The following KCNT2 variants were observed in gnomAD, a reference collection of about 807,000 sequenced individuals.
The protein encoded by KCNT2 is potassium channel subfamily T member 2.
A neutral mutation model predicts 153.8 loss-of-function variants in KCNT2; 67 were observed. That is an observed-to-expected ratio of 0.44 (90% CI 0.36 to 0.53). KCNT2 has a LOEUF of 0.53. Among genes scored for constraint, KCNT2 ranks in the 20% least tolerant of loss-of-function variants. The probability of loss-of-function intolerance (pLI) is 0.00; values close to 1 mark genes in which losing one functional copy is unlikely to be tolerated. For missense variants in KCNT2, 975 were observed against 1,354.8 expected, an observed-to-expected ratio of 0.72 and a Z score of 4.40; for synonymous variants, 500 against 458.8, an observed-to-expected ratio of 1.09 and a Z score of -1.15.
intron 19 of KCNT2, among the ~76,000 whole-genome samples, chr1:196,322,153 G>A (rs1203165376): frequency 6.6e-6 from 1 of 151,790 alleles, no homozygotes; most frequent in East Asian, 1.9e-4. Context: ...TAAAAAATCT[G>A]ACTGCTAAAC....
chr1:196,456,811 A>C (rs1372600616), intron 8 of KCNT2, among the ~76,000 whole-genome samples: 1 of 152,006 alleles, frequency 6.6e-6, no homozygotes, highest in South Asian at 2.1e-4. Flanking sequence ...GACATCAATA[A>C]ATGACACAGG....
At chr1:196,423,833 A>G (rs2148522749) in intron 11 of KCNT2, among the ~76,000 whole-genome samples, 1 of 152,010 alleles carries the variant, frequency 6.6e-6, no homozygotes, top group African/African-American at 2.4e-5. Flanking sequence ...ATGGTTATTA[A>G]GATAATATGA....
chr1:196,341,801 C>G (rs1665662576), intron 15 of KCNT2, among the ~76,000 whole-genome samples: 1 of 151,678 alleles, frequency 6.6e-6, no homozygotes, highest in African/African-American at 2.4e-5. Context: ...AGAAGATTTT[C>G]ATATGTATGT....
chr1:196,452,485 TC>T (rs1676304974), intron 8 of KCNT2, among the ~76,000 whole-genome samples: 1 of 151,920 alleles, frequency 6.6e-6, no homozygotes, highest in South Asian at 2.1e-4. Context: ...TGTAGATGAC[TC>T]CCTCAACAAC....
At chr1:196,371,241 A>C (rs1339501658) in intron 14 of KCNT2, among the ~76,000 whole-genome samples, 1 of 149,612 alleles carries the variant, frequency 6.7e-6, no homozygotes, top group Non-Finnish European at 1.5e-5. Flanking sequence ...AAAAAAAAAA[A>C]AAAAAAAAGC....
chr1:196,355,373 A>G (rs566562182), intron 14 of KCNT2, among the ~76,000 whole-genome samples: 1 of 151,860 alleles, frequency 6.6e-6, no homozygotes, highest in Admixed American at 6.6e-5. Flanking sequence ...CATGGTAATC[A>G]ATTTTCTACC....
intron 1 of KCNT2, among the ~76,000 whole-genome samples, chr1:196,544,102 C>G (rs1420837641): frequency 6.6e-6 from 1 of 152,098 alleles, no homozygotes; most frequent in Non-Finnish European, 1.5e-5. Context: ...AGTAACTCTC[C>G]AAAGCAACCT....
chr1:196,468,820 T>C (rs1367484959), intron 6 of KCNT2, among the ~76,000 whole-genome samples, 174 bp downstream of exon 6: 1 of 152,086 alleles, frequency 6.6e-6, no homozygotes, highest in African/African-American at 2.4e-5. Context: ...TTAGTTTCCA[T>C]TTAGTTACAC....
chr1:196,290,593 CAT>C (rs1448153075), intron 22 of KCNT2, among the ~76,000 whole-genome samples: 8 of 151,424 alleles, frequency 5.3e-5, no homozygotes, highest in Admixed American at 3.3e-4. Flanking sequence ...CACACACACA[CAT>C]ATATTTCATC....
At chr1:196,239,414 A>C (rs1413650341) in intron 26 of KCNT2, among the ~76,000 whole-genome samples, 1 of 151,928 alleles carries the variant, frequency 6.6e-6, no homozygotes, top group Non-Finnish European at 1.5e-5. Flanking sequence ...TAGCATTTAC[A>C]AAGAAACTTC....
At chr1:196,336,528 G>C (rs185086982) in intron 16 of KCNT2, among the ~76,000 whole-genome samples, 1 of 151,998 alleles carries the variant, frequency 6.6e-6, no homozygotes, top group South Asian at 2.1e-4. Flanking sequence ...TTACTTGCTT[G>C]TACTTTCAAC....
chr1:196,249,473 C>T (rs1655756382), intron 26 of KCNT2, among the ~76,000 whole-genome samples: 1 of 151,982 alleles, frequency 6.6e-6, no homozygotes, highest in Non-Finnish European at 1.5e-5. Flanking sequence ...GGTACAAAAT[C>T]AACATACAAA....
At chr1:196,567,766 G>A (rs1178426099) in intron 1 of KCNT2, among the ~76,000 whole-genome samples, 2 of 152,160 alleles carry the variant, frequency 1.3e-5, no homozygotes, top group East Asian at 3.9e-4. Flanking sequence ...TTTCAAAAGG[G>A]CTTATGTAGG....
In KCNT2 at chr1:196,397,941, T is replaced by A. The variant is rs1408700945; in HGVS notation, c.1294+622A>T. ...ACTGCTTAAATCAACATTAGCGGTTTTTTTTACAGAAGCATTTAAGAAAAA... is the reference window on the plus strand; with the variant it reads ...ACTGCTTAAATCAACATTAGCGGTTATTTTTACAGAAGCATTTAAGAAAAA... On this transcript the variant is annotated intron_variant, in intron 13 of 27. Coordinates refer to ENST00000294725, the MANE Select transcript of KCNT2 (RefSeq NM_198503.5). 3.3e-5 allele frequency among the ~76,000 whole-genome samples: 5 copies of A among 151,416 alleles called. No individual in the cohort carries two copies. In the East Asian group the frequency reaches 9.7e-4, roughly 29 times the overall value.
At chr1:196,514,113 T>A (rs749837437) in intron 1 of KCNT2, among the ~76,000 whole-genome samples, 1 of 152,196 alleles carries the variant, frequency 6.6e-6, no homozygotes, top group Non-Finnish European at 1.5e-5. Flanking sequence ...TGGCTTTACT[T>A]AGATCTAAAA....
At chr1:196,273,882 G>A (rs2025599) in intron 25 of KCNT2, among the ~76,000 whole-genome samples, 112,461 of 151,446 alleles carry the variant, frequency 0.74, 43,639 homozygotes, top group East Asian at 0.95. Context: ...AATGATATTG[G>A]TACATTAATA....
chr1:196,465,280 T>C lies in KCNT2; in HGVS notation c.638+13A>G. On this transcript the variant is annotated intron_variant, in intron 8 of 27. Transcript: ENST00000294725. ...ATGAAACATAACACAAATTCTGATA[T>C]GTACAATCTTACCAGGTGAAGATAA... 7.6e-7 allele frequency: 1 copy of C among 1,315,146 alleles called. No individual in the cohort carries two copies. Among genetic ancestry groups the C allele is most frequent in the Admixed American group, 1.8e-5 (1 of 54,156 alleles). The allele number at this position is 1,315,146 out of a possible 1,614,324, so 81.5% of individuals were successfully genotyped here. A position where few individuals can be genotyped will look rare whatever the true frequency, so the allele number is the denominator to read the frequency against.
intron 26 of KCNT2, among the ~76,000 whole-genome samples, chr1:196,238,920 C>T (rs937444038): frequency 6.6e-5 from 10 of 151,896 alleles, no homozygotes; most frequent in African/African-American, 2.4e-4. Flanking sequence ...TTTCTATTAG[C>T]CATGATCCTG....
chr1:196,341,396 G>C (rs1665609726), intron 15 of KCNT2, among the ~76,000 whole-genome samples: 1 of 151,926 alleles, frequency 6.6e-6, no homozygotes. Flanking sequence ...AATGGCTATT[G>C]TTTTGTACCA....
Sources: gnomAD v4.1 joint callset for allele counts (sites outside exome capture counted in the v4.1 genomes callset) on GRCh38, gnomAD v4.1.1 for gene constraint, MANE v1.5 for transcripts, NCBI Gene and HGNC (gene_info 2026-07-23, HGNC 2026-07-21) for gene names.